Variants in EML1 observed in about 807,000 individuals in gnomAD.
The protein encoded by EML1 is EMAP like 1.
In EML1, 27 loss-of-function variants were observed where a neutral mutation model predicts 110.4. That is an observed-to-expected ratio of 0.24 (90% CI 0.18 to 0.34). EML1 has a LOEUF of 0.34. Among genes scored for constraint, EML1 ranks in the 10% least tolerant of loss-of-function variants. The pLI is 1.00. For missense variants in EML1, 741 were observed against 1,030.9 expected, an observed-to-expected ratio of 0.72 and a Z score of 3.85; for synonymous variants, 344 against 385.8, an observed-to-expected ratio of 0.89 and a Z score of 1.27.
At chr14:99,762,234 GT>G (rs561144881) in intron 1 of EML1, among the ~76,000 whole-genome samples, 131 of 152,216 alleles carry the variant, frequency 8.6e-4, no homozygotes, top group Middle Eastern at 6.8e-3. Flanking sequence ...TAAATCTAGT[GT>G]TTTTTTCATA....
intron 9 of EML1, among the ~76,000 whole-genome samples, chr14:99,902,141 A>G (rs2059773510): frequency 6.6e-6 from 1 of 152,224 alleles, no homozygotes; most frequent in African/African-American, 2.4e-5. Context: ...CAACTTAAGA[A>G]AACATTGAGT....
intron 1 of EML1, among the ~76,000 whole-genome samples, chr14:99,818,978 G>A (rs1271414611): frequency 1.3e-5 from 2 of 152,150 alleles, no homozygotes; most frequent in African/African-American, 2.4e-5. Context: ...TTTAGAGACA[G>A]GGTCTCGCTC....
intron 1 of EML1, among the ~76,000 whole-genome samples, chr14:99,752,931 GA>G (rs1205697478): frequency 6.6e-6 from 1 of 152,112 alleles, no homozygotes; most frequent in Non-Finnish European, 1.5e-5. Flanking sequence ...ACTATCCCAG[GA>G]AGCTGGAAGG....
At chr14:99,834,647 G>C (rs1012950535) in intron 1 of EML1, among the ~76,000 whole-genome samples, 4 of 152,080 alleles carry the variant, frequency 2.6e-5, no homozygotes, top group African/African-American at 9.7e-5. Flanking sequence ...CTTTTGTAAT[G>C]TGTTTGTCTG....
At chr14:99,897,344 G>C (rs762613153) in intron 7 of EML1, 50 bp downstream of exon 7, 1 of 1,534,042 alleles carries the variant, frequency 6.5e-7, no homozygotes, top group Non-Finnish European at 8.8e-7. Context: ...GAAGGTAGGA[G>C]GATCGCTTGA....
intron 4 of EML1, among the ~76,000 whole-genome samples, chr14:99,887,422 CA>C (rs1260653637): frequency 2.0e-5 from 3 of 152,252 alleles, no homozygotes; most frequent in African/African-American, 7.2e-5. Flanking sequence ...TCATGGGCTT[CA>C]GGGGCAGGTG....
intron 1 of EML1, among the ~76,000 whole-genome samples, chr14:99,800,634 T>G (rs2057858289): frequency 6.6e-6 from 1 of 152,230 alleles, no homozygotes; most frequent in African/African-American, 2.4e-5. Flanking sequence ...ATGCTGAGAT[T>G]AAGCATGAGC....
intron 1 of EML1, among the ~76,000 whole-genome samples, chr14:99,849,480 G>C (rs1161351398): frequency 6.6e-6 from 1 of 151,590 alleles, no homozygotes; most frequent in African/African-American, 2.4e-5. Context: ...TCTTTGATTA[G>C]TATCTCATAA....
At chr14:99,777,792 G>A (rs2057499254) in intron 1 of EML1, among the ~76,000 whole-genome samples, 1 of 152,090 alleles carries the variant, frequency 6.6e-6, no homozygotes, top group Non-Finnish European at 1.5e-5. Flanking sequence ...TTTTTGTGGG[G>A]CAGTTTGTTT....
At chr14:99,889,752 T>C (rs2059554499) in intron 4 of EML1, among the ~76,000 whole-genome samples, 1 of 152,000 alleles carries the variant, frequency 6.6e-6, no homozygotes, top group South Asian at 2.1e-4. Context: ...AATACAGGGG[T>C]CAGGTGCAGA....
intron 2 of EML1, among the ~76,000 whole-genome samples, chr14:99,862,993 C>G (rs2059027306): frequency 6.6e-6 from 1 of 152,154 alleles, no homozygotes; most frequent in Non-Finnish European, 1.5e-5. Flanking sequence ...TAAGGGAAAC[C>G]TGAGTCCACA....
At chr14:99,794,507 G>A (rs2057733752) in intron 1 of EML1, among the ~76,000 whole-genome samples, 1 of 152,162 alleles carries the variant, frequency 6.6e-6, no homozygotes, top group South Asian at 2.1e-4. Flanking sequence ...CTATTGTATT[G>A]TGATTTAGGG....
chr14:99,782,958 T>C (rs182316694), intron 1 of EML1, among the ~76,000 whole-genome samples: 2 of 151,918 alleles, frequency 1.3e-5, no homozygotes, highest in East Asian at 3.9e-4. Flanking sequence ...CTTCTTTCAA[T>C]GCACACTATG....
At chr14:99,897,380 G>A in intron 7 of EML1, 86 bp downstream of exon 7, 1 of 1,341,772 alleles carries the variant, frequency 7.5e-7, no homozygotes. Context: ...ACCATCCTGG[G>A]CAACAGTGAA....
In EML1 at chr14:99,928,208, GAT is replaced by G. The variant is rs2060299182; in HGVS notation, c.1909+7332_1909+7333del. Among the ~76,000 whole-genome samples the G allele has an allele frequency of 6.1e-5, 2 of 32,582 alleles. 1 individual carries two copies. The highest frequency in any genetic ancestry group is 2.5e-4 in the African/African-American group (2 of 7,950). 21.4% of individuals were successfully genotyped at this position (32,582 alleles called of 152,430 possible). ...TGGTGGTGGTGGTGGTGGTGGTGGT[GAT>G]GGTGATGGTGGTGGTGGTGGTGGTG... On this transcript the variant is annotated intron_variant, in intron 17 of 21. Coordinates refer to ENST00000262233, the MANE Select transcript of EML1 (RefSeq NM_004434.3).
intron 13 of EML1, among the ~76,000 whole-genome samples, 162 bp downstream of exon 13, chr14:99,911,738 A>G (rs1191787327): frequency 3.3e-5 from 5 of 152,188 alleles, no homozygotes; most frequent in Non-Finnish European, 5.9e-5. Context: ...CAGGTTAAAT[A>G]TAACTAATAA....
intron 4 of EML1, among the ~76,000 whole-genome samples, chr14:99,879,972 A>T (rs769275212): frequency 1.3e-5 from 2 of 152,192 alleles, no homozygotes; most frequent in Non-Finnish European, 2.9e-5. Flanking sequence ...GATCCATTTT[A>T]TCTTTAAAAT....
intron 1 of EML1, among the ~76,000 whole-genome samples, chr14:99,751,631 T>C (rs1483924248): frequency 1.3e-5 from 2 of 151,954 alleles, no homozygotes; most frequent in African/African-American, 2.4e-5. Context: ...GCCTGGATAC[T>C]CGAGAAGGAC....
chr14:99,789,218 AT>A (rs914117791), upstream of EML1, among the ~76,000 whole-genome samples: 161 of 151,714 alleles, frequency 1.1e-3, no homozygotes, highest in Admixed American at 3.2e-3. Context: ...TCATTTATTT[AT>A]TTTTTTTGAG....
Sources: gnomAD v4.1 joint callset for allele counts (sites outside exome capture counted in the v4.1 genomes callset) on GRCh38, gnomAD v4.1.1 for gene constraint, MANE v1.5 for transcripts, NCBI Gene and HGNC (gene_info 2026-07-23, HGNC 2026-07-21) for gene names.